Variants in C10orf90 observed in about 807,000 individuals in gnomAD.
The protein encoded by C10orf90 is (E2-independent) E3 ubiquitin-conjugating enzyme FATS.
Under a neutral mutation model 62.5 loss-of-function variants are expected in C10orf90, and 56 were observed. The ratio of observed to expected loss-of-function variants is 0.90; its 90% CI spans 0.72 to 1.12. The LOEUF (loss-of-function observed/expected upper bound fraction) is 1.12. Ranked by LOEUF, C10orf90 falls within the 50% of genes most tolerant of loss-of-function variation. C10orf90 has a pLI of 0.00. For missense variants in C10orf90, 970 were observed against 880.4 expected, an observed-to-expected ratio of 1.10 and a Z score of -1.29; for synonymous variants, 386 against 340.4, an observed-to-expected ratio of 1.13 and a Z score of -1.47.
intron 2 of C10orf90, among the ~76,000 whole-genome samples, chr10:126,617,467 C>T (rs1845564283): frequency 6.6e-6 from 1 of 152,202 alleles, no homozygotes; most frequent in Non-Finnish European, 1.5e-5. Context: ...TTCTTCCAAA[C>T]CACTAGGTTG....
intron 7 of C10orf90, among the ~76,000 whole-genome samples, chr10:126,445,693 T>G (rs781780245): frequency 6.6e-6 from 1 of 151,932 alleles, no homozygotes; most frequent in African/African-American, 2.4e-5. Flanking sequence ...GAAGTCATTA[T>G]ACAAAAAAGA....
intron 4 of C10orf90, among the ~76,000 whole-genome samples, chr10:126,495,145 G>A (rs924990478): frequency 1.3e-5 from 2 of 152,306 alleles, no homozygotes; most frequent in East Asian, 1.9e-4. Context: ...GCTCTGCAGT[G>A]TCCTAATTTA....
intron 4 of C10orf90, among the ~76,000 whole-genome samples, chr10:126,479,654 G>C (rs1025748506): frequency 6.6e-6 from 1 of 152,192 alleles, no homozygotes; most frequent in Non-Finnish European, 1.5e-5. Context: ...TACACATGGG[G>C]GTTATTCTTT....
intron 3 of C10orf90, among the ~76,000 whole-genome samples, chr10:126,510,008 C>T (rs761672010): frequency 3.3e-5 from 5 of 152,152 alleles, no homozygotes; most frequent in Non-Finnish European, 5.9e-5. Flanking sequence ...TTGTAGACGG[C>T]CATCTTCTTC....
intron 2 of C10orf90, among the ~76,000 whole-genome samples, chr10:126,583,063 C>T (rs10736874): frequency 0.77 from 116,906 of 152,058 alleles, 45,623 homozygotes; most frequent in Non-Finnish European, 0.85. Context: ...AACCTCTACT[C>T]GCGGGACACC....
intron 1 of C10orf90, among the ~76,000 whole-genome samples, chr10:126,656,918 A>G (rs2133865923): frequency 6.6e-6 from 1 of 152,364 alleles, no homozygotes. Flanking sequence ...TCAATTCAAC[A>G]AACATACAAC....
chr10:126,516,675 G>A (rs1360527280), intron 2 of C10orf90, among the ~76,000 whole-genome samples: 2 of 152,232 alleles, frequency 1.3e-5, no homozygotes, highest in Admixed American at 6.5e-5. Context: ...CAAAGGCTGA[G>A]CATGAGCTGC....
At chr10:126,451,661 G>T (rs1250865656) in intron 7 of C10orf90, among the ~76,000 whole-genome samples, 2 of 151,236 alleles carry the variant, frequency 1.3e-5, no homozygotes, top group Admixed American at 6.6e-5. Context: ...ACACATATGT[G>T]TGTATATATA....
chr10:126,562,251 A>G (rs996060767), intron 2 of C10orf90, among the ~76,000 whole-genome samples: 4 of 151,986 alleles, frequency 2.6e-5, no homozygotes, highest in Non-Finnish European at 5.9e-5. Flanking sequence ...CCCACATCCA[A>G]ACTGATTTGC....
intron 1 of C10orf90, among the ~76,000 whole-genome samples, chr10:126,649,034 G>GTC (rs1196569277): frequency 0.092 from 2,408 of 26,148 alleles, 93 homozygotes; most frequent in Non-Finnish European, 0.12. Flanking sequence ...CTCTGTCTCT[G>GTC]TCTCTCTCTC....
chr10:126,511,415 G>A (rs1206203148), intron 3 of C10orf90, among the ~76,000 whole-genome samples: 4 of 151,472 alleles, frequency 2.6e-5, no homozygotes, highest in Non-Finnish European at 2.9e-5. Context: ...GTACAACTTG[G>A]TGGTATTAAG....
chr10:126,518,626 C>G (rs111388203), intron 2 of C10orf90, among the ~76,000 whole-genome samples: 2,551 of 152,230 alleles, frequency 0.017, 31 homozygotes, highest in Non-Finnish European at 0.028. Flanking sequence ...ATTAACCACC[C>G]AAAGTTATTG....
intron 2 of C10orf90, among the ~76,000 whole-genome samples, chr10:126,581,081 C>T (rs992096930): frequency 2.6e-5 from 4 of 152,150 alleles, no homozygotes; most frequent in Non-Finnish European, 4.4e-5. Context: ...TTAGACTAGC[C>T]GCCGTGCAGA....
chr10:126,477,564 G>A (rs1386203499), intron 4 of C10orf90, among the ~76,000 whole-genome samples: 1 of 152,060 alleles, frequency 6.6e-6, no homozygotes. Context: ...GCATTTGCTT[G>A]TTTCTTTAAG....
chr10:126,584,663 A>G (rs1296829161), intron 2 of C10orf90, among the ~76,000 whole-genome samples: 1 of 152,194 alleles, frequency 6.6e-6, no homozygotes, highest in Non-Finnish European at 1.5e-5. Context: ...TAACAGCACA[A>G]GAGACCAAGG....
chr10:126,659,484 A>C (rs1846465064), intron 1 of C10orf90, among the ~76,000 whole-genome samples: 2 of 152,236 alleles, frequency 1.3e-5, no homozygotes, highest in Non-Finnish European at 2.9e-5. Context: ...ACTTTGAGAA[A>C]ATATTTCTCC....
chr10:126,551,852 C>T (rs187943821), intron 2 of C10orf90, among the ~76,000 whole-genome samples: 3 of 152,292 alleles, frequency 2.0e-5, no homozygotes, highest in Admixed American at 6.5e-5. Context: ...GCTATGTGTC[C>T]GTTTGTTGGT....
intron 2 of C10orf90, among the ~76,000 whole-genome samples, chr10:126,593,064 A>G (rs1845013426): frequency 6.6e-6 from 1 of 152,224 alleles, no homozygotes; most frequent in Admixed American, 6.5e-5. Flanking sequence ...GCAGAGAAAA[A>G]GGAACACTTT....
chr10:126,443,211 G>T (rs1439922081), intron 7 of C10orf90, among the ~76,000 whole-genome samples: 1 of 151,764 alleles, frequency 6.6e-6, no homozygotes, highest in East Asian at 1.9e-4. Flanking sequence ...AAATACAAAA[G>T]ATAAAAGAAA....
Sources: allele counts gnomAD v4.1 joint callset (sites outside exome capture counted in the v4.1 genomes callset), GRCh38; gene constraint gnomAD v4.1.1; transcripts MANE v1.5; gene names NCBI Gene and HGNC (gene_info 2026-07-23, HGNC 2026-07-21).